The following SRPK2 variants were observed in gnomAD, a reference collection of about 807,000 sequenced individuals.
The protein encoded by SRPK2 is SRSF protein kinase 2.
Under a neutral mutation model 90.8 loss-of-function variants are expected in SRPK2, and 21 were observed. The ratio of observed to expected loss-of-function variants is 0.23; its 90% CI spans 0.16 to 0.33. SRPK2 has a LOEUF of 0.33. SRPK2 is among the 10% of genes least tolerant of loss of function. SRPK2 has a pLI of 1.00. For missense variants in SRPK2, 620 were observed against 869.0 expected (o/e 0.71, Z 3.60); for synonymous variants, 288 against 311.1 (o/e 0.93, Z 0.78).
chr7:105,299,745 T>G (rs1260658709), intron 2 of SRPK2, among the ~76,000 whole-genome samples: 1 of 151,970 alleles, frequency 6.6e-6, no homozygotes, highest in Non-Finnish European at 1.5e-5. Flanking sequence ...AATACAAAAA[T>G]TAGCCAGGTG....
At chr7:105,387,688 T>C (rs566000919) in intron 2 of SRPK2, among the ~76,000 whole-genome samples, 5 of 152,314 alleles carry the variant, frequency 3.3e-5, no homozygotes, top group Non-Finnish European at 7.3e-5. Context: ...TTCCCCACAG[T>C]ACCAAAGATG....
intron 2 of SRPK2, among the ~76,000 whole-genome samples, chr7:105,297,071 C>T (rs900644753): frequency 2.0e-4 from 31 of 152,238 alleles, no homozygotes; most frequent in African/African-American, 7.2e-4. Context: ...TAGTGAACTC[C>T]CCTCACCCAT....
chr7:105,240,047 T>C (rs1302453473), intron 2 of SRPK2, among the ~76,000 whole-genome samples: 1 of 152,130 alleles, frequency 6.6e-6, no homozygotes, highest in African/African-American at 2.4e-5. Context: ...TAGGTTGCTA[T>C]AACAAAATAC....
At chr7:105,181,871 A>G (rs1282849558) in intron 3 of SRPK2, among the ~76,000 whole-genome samples, 1 of 147,316 alleles carries the variant, frequency 6.8e-6, no homozygotes, top group Non-Finnish European at 1.5e-5. Context: ...CCCTGAACCT[A>G]AGATAAAAGT....
chr7:105,346,415 C>G (rs1388666334), intron 2 of SRPK2, among the ~76,000 whole-genome samples: 2 of 152,054 alleles, frequency 1.3e-5, no homozygotes, highest in African/African-American at 4.8e-5. Context: ...GGTACTCAAA[C>G]AACTGTTATA....
At chr7:105,297,765 G>A (rs1283408199) in intron 2 of SRPK2, among the ~76,000 whole-genome samples, 18 of 130,910 alleles carry the variant, frequency 1.4e-4, no homozygotes, top group Non-Finnish European at 2.4e-4. Flanking sequence ...TTTTTGAGAC[G>A]GAGTCTTACT....
At chr7:105,360,120 T>A (rs1818263678) in intron 2 of SRPK2, among the ~76,000 whole-genome samples, 1 of 152,210 alleles carries the variant, frequency 6.6e-6, no homozygotes, top group African/African-American at 2.4e-5. Flanking sequence ...TTGATCCCTT[T>A]ACCATTATGT....
At chr7:105,149,459 T>G (rs1805252635) in intron 7 of SRPK2, among the ~76,000 whole-genome samples, 1 of 151,968 alleles carries the variant, frequency 6.6e-6, no homozygotes, top group South Asian at 2.1e-4. Flanking sequence ...CATTCCTTTT[T>G]GCTGAAATAA....
intron 2 of SRPK2, among the ~76,000 whole-genome samples, chr7:105,345,759 T>C (rs894690921): frequency 6.6e-6 from 1 of 152,228 alleles, no homozygotes; most frequent in East Asian, 1.9e-4. Context: ...CTTGGGCCTA[T>C]GTTGTTCTAC....
intron 2 of SRPK2, chr7:105,268,682 G>T: frequency 8.9e-7 from 1 of 1,123,342 alleles, no homozygotes; most frequent in Non-Finnish European, 1.3e-6. Flanking sequence ...CTTCAATACA[G>T]CACAATACCA....
chr7:105,120,881 A>G (rs1314238074), intron 15 of SRPK2, among the ~76,000 whole-genome samples: 1 of 152,204 alleles, frequency 6.6e-6, no homozygotes, highest in African/African-American at 2.4e-5. Flanking sequence ...GGCTCACTGA[A>G]TGAGTGAGGG....
intron 2 of SRPK2, among the ~76,000 whole-genome samples, chr7:105,383,476 A>G (rs1432533740): frequency 1.3e-5 from 2 of 151,418 alleles, no homozygotes; most frequent in Non-Finnish European, 2.9e-5. Context: ...GCTGGAGTGC[A>G]GCGGCATGAT....
chr7:105,324,549 C>A (rs1166798577), intron 2 of SRPK2, among the ~76,000 whole-genome samples: 1 of 152,174 alleles, frequency 6.6e-6, no homozygotes, highest in Non-Finnish European at 1.5e-5. Flanking sequence ...AGTTGGTAGG[C>A]CCATAGAATG....
Position 105,240,066 on chromosome 7 carries a change from G to C in SRPK2, c.72-36281C>G, listed in dbSNP as rs1334711940. On this transcript the variant is annotated intron_variant, in intron 2 of 15. Transcript: ENST00000393651. ...TTGCTATAACAAAATACCACCGAGT[G>C]ACTTATAAAAAAGAGAAATTTATTT... Among the ~76,000 whole-genome samples the C allele has an allele frequency of 2.6e-5, 4 of 152,140 alleles. 1 individual carries two copies.
At chr7:105,391,327 C>G (rs1048855994), upstream of SRPK2, among the ~76,000 whole-genome samples, 1 of 152,020 alleles carries the variant, frequency 6.6e-6, no homozygotes, top group African/African-American at 2.4e-5. Context: ...TGCCTCAACC[C>G]TCCGAGTAGC....
chr7:105,182,317 G>A lies in SRPK2; in HGVS notation c.230-13052C>T, dbSNP rs117899939. ...CTGACGTAAAAAAGGATAGCATGAC[G>A]ACAAGCACAGCAGTTTAAGGTGAAA... is the stretch of plus-strand genomic sequence containing the variant. On this transcript the variant is annotated intron_variant, in intron 3 of 15. Transcript: ENST00000393651. 3.1e-3 allele frequency among the ~76,000 whole-genome samples: 475 copies of A among 151,394 alleles called. 14 individuals carry two copies. In the East Asian group the frequency reaches 0.063, roughly 20 times the overall value.
In SRPK2 at chr7:105,117,230, A is replaced by C. The variant is rs1172360574; in HGVS notation, c.*608T>G. 1 of 152,588 alleles carries C rather than the reference A, an allele frequency of 6.6e-6. No homozygotes were observed. 9.5% of individuals were successfully genotyped at this position (152,588 alleles called of 1,614,324 possible). ...GACTGTTATGGAATGAAAAGTTTGC[A>C]CAACTCCTTGGAGCAGTTAAAGTCC... On this transcript the variant is annotated 3_prime_UTR_variant, in exon 16 of 16. Coordinates refer to ENST00000393651, the MANE Select transcript of SRPK2 (RefSeq NM_182692.3).
At chr7:105,330,653 T>C (rs1043480075) in intron 2 of SRPK2, among the ~76,000 whole-genome samples, 1 of 152,154 alleles carries the variant, frequency 6.6e-6, no homozygotes, top group Non-Finnish European at 1.5e-5. Context: ...ATTCTAAAAC[T>C]GCACCCATGC....
At chr7:105,249,017 T>A (rs1329611316) in intron 2 of SRPK2, among the ~76,000 whole-genome samples, 1 of 152,130 alleles carries the variant, frequency 6.6e-6, no homozygotes, top group African/African-American at 2.4e-5. Context: ...CGTGTGCTAG[T>A]TGTGTCTGTT....
Sources: gnomAD v4.1 joint callset for allele counts (sites outside exome capture counted in the v4.1 genomes callset) on GRCh38, gnomAD v4.1.1 for gene constraint, MANE v1.5 for transcripts, NCBI Gene and HGNC (gene_info 2026-07-23, HGNC 2026-07-21) for gene names.